RAB8B: variants seen among roughly 807,000 people sequenced by gnomAD.
The protein encoded by RAB8B is RAB8B, member RAS oncogene family.
In RAB8B, 11 loss-of-function variants were observed where a neutral mutation model predicts 32.0. That is an observed-to-expected ratio of 0.34 (90% CI 0.22 to 0.57). The LOEUF (loss-of-function observed/expected upper bound fraction) is 0.57. Among genes scored for constraint, RAB8B ranks in the 20% least tolerant of loss-of-function variants. The pLI is 0.86. For synonymous variants in RAB8B, 103 were observed against 89.6 expected (o/e 1.15, Z -0.85); for missense variants, 190 against 258.5 (o/e 0.73, Z 1.82).
intron 2 of RAB8B, among the ~76,000 whole-genome samples, chr15:63,247,353 T>C (rs181643578): frequency 5.3e-5 from 8 of 152,350 alleles, no homozygotes; most frequent in Admixed American, 5.2e-4. Flanking sequence ...CCAACTCTGA[T>C]GTTGCAATAT....
chr15:63,219,726 T>C (rs1453260441), intron 1 of RAB8B, among the ~76,000 whole-genome samples: 1 of 152,238 alleles, frequency 6.6e-6, no homozygotes, highest in Non-Finnish European at 1.5e-5. Context: ...AAACCAATTC[T>C]ATGGAGGCTG....
At position 63,250,630 on chromosome 15, in the gene RAB8B, G is replaced by T. The variant is rs571480288; in HGVS notation, c.246+925G>T. Among the ~76,000 whole-genome samples, 16 of 152,158 alleles carry T rather than the reference G, an allele frequency of 1.1e-4. 2 individuals are homozygous for T. Among genetic ancestry groups the T allele is most frequent in the African/African-American group, 3.9e-4 (16 of 41,486 alleles). ...TGGGCAGTGTGATGCTGGGAGTGCA[G>T]TGGTGAGTAAGGCAGCTTGGAAGCT... On this transcript the variant is annotated intron_variant, in intron 3 of 7. Transcript: ENST00000321437.
At chr15:63,258,331 G>A (rs2038175302) in intron 5 of RAB8B, among the ~76,000 whole-genome samples, 1 of 152,020 alleles carries the variant, frequency 6.6e-6, no homozygotes, top group South Asian at 2.1e-4. Flanking sequence ...CTTAACTCCT[G>A]ACCTCAGGTG....
intron 1 of RAB8B, among the ~76,000 whole-genome samples, chr15:63,226,244 A>G (rs1260673192): frequency 1.3e-5 from 2 of 152,152 alleles, no homozygotes; most frequent in Non-Finnish European, 2.9e-5. Flanking sequence ...TATTGTATCT[A>G]TCATGTGTGG....
rs1026509043 is a variant in RAB8B at position 63,267,527 on chromosome 15, C to G, written c.*3908C>G. ...ATGAAAATCATGCCCCTAATGGAAA[C>G]TCTCTAGTTTTTCCATATAACTATC... On this transcript the variant is annotated 3_prime_UTR_variant, in exon 8 of 8. Coordinates refer to ENST00000321437, the MANE Select transcript of RAB8B (RefSeq NM_016530.3). The G allele has an allele frequency of 5.3e-5, 8 of 152,138 alleles. No individual in the cohort carries two copies. Among genetic ancestry groups the G allele is most frequent in the African/African-American group, 1.7e-4 (7 of 41,420 alleles). 9.4% of individuals were successfully genotyped at this position (152,138 alleles called of 1,614,324 possible).
chr15:63,259,846 T>G lies in RAB8B; in HGVS notation c.480+154T>G, dbSNP rs1039421510. On this transcript the variant is annotated intron_variant, in intron 6 of 7. Coordinates refer to ENST00000321437, the MANE Select transcript of RAB8B (RefSeq NM_016530.3). This position sits in a 1 kb window ranked among gnomAD's most constrained non-coding sequence, Gnocchi z 4.4. ...GTACACTTTTGTGCTTCTGATTTTTTTTTTTTTGAGATGGAGTCTCACTCT... is the reference window on the plus strand; with the variant it reads ...GTACACTTTTGTGCTTCTGATTTTTGTTTTTTTGAGATGGAGTCTCACTCT... 6.6e-6 allele frequency among the ~76,000 whole-genome samples: 1 copy of G among 152,116 alleles called. No individual in the cohort carries two copies. The highest frequency in any genetic ancestry group is 1.5e-5 in the Non-Finnish European group (1 of 67,994).
At chr15:63,239,315 T>G (rs1330352423) in intron 1 of RAB8B, among the ~76,000 whole-genome samples, 2 of 152,148 alleles carry the variant, frequency 1.3e-5, no homozygotes, top group African/African-American at 4.8e-5. Context: ...GATATTATTG[T>G]CAAGCTAATT....
At chr15:63,214,056 G>C (rs1411581569) in intron 1 of RAB8B, among the ~76,000 whole-genome samples, 3 of 151,676 alleles carry the variant, frequency 2.0e-5, no homozygotes, top group Admixed American at 6.6e-5. Context: ...ACTCCAGCCT[G>C]GGTGACAGAG....
rs1439585708 is a variant in RAB8B, at chr15:63,265,478, C to T, written c.*1859C>T. 1 of 151,592 alleles carries T rather than the reference C, an allele frequency of 6.6e-6. No individual in the cohort carries two copies. Among genetic ancestry groups the T allele is most frequent in the Non-Finnish European group, 1.5e-5 (1 of 67,906 alleles). The allele number at this position is 151,592 out of a possible 1,614,324, so 9.4% of individuals were successfully genotyped here. A position where few individuals can be genotyped will look rare whatever the true frequency, so the allele number is the denominator to read the frequency against. ...TGAAAGTTTATTGTAATTCTACTAT[C>T]TTCAAATTAGATACATTTTCAAAAG... is the stretch of plus-strand genomic sequence containing the variant. On this transcript the variant is annotated 3_prime_UTR_variant, in exon 8 of 8. Transcript: ENST00000321437. The surrounding 1 kb of genome is among the most constrained non-coding windows in gnomAD (Gnocchi z 4.9).
intron 1 of RAB8B, among the ~76,000 whole-genome samples, chr15:63,194,303 C>T (rs554699735): frequency 2.0e-5 from 3 of 152,356 alleles, no homozygotes; most frequent in African/African-American, 7.2e-5. Context: ...CTTTTCACAA[C>T]TGAGTTGCTA....
intron 1 of RAB8B, among the ~76,000 whole-genome samples, chr15:63,208,207 G>C (rs530483847): frequency 6.6e-6 from 1 of 152,176 alleles, no homozygotes; most frequent in South Asian, 2.1e-4. Context: ...TTTTTTACAG[G>C]AATCCTAAAC....
intron 1 of RAB8B, among the ~76,000 whole-genome samples, chr15:63,202,905 A>G (rs969360495): frequency 1.3e-5 from 2 of 152,280 alleles, no homozygotes; most frequent in African/African-American, 4.8e-5. Flanking sequence ...TCAGCTTTTT[A>G]TATAACGAAG....
Position 63,204,897 on chromosome 15 carries a change from C to T in RAB8B, c.124+15149C>T, listed in dbSNP as rs1418874630. ...TGAGGGCTGGGTGCAGTGGCACATG[C>T]CTATAATCCAAGCACTTTGGGAGGC... On this transcript the variant is annotated intron_variant, in intron 1 of 7. Transcript: ENST00000321437. Among the ~76,000 whole-genome samples, 6 of 152,296 alleles carry T rather than the reference C, an allele frequency of 3.9e-5. No homozygotes were observed. The East Asian group carries it at 1.2e-3, about 29-fold the overall frequency.
At position 63,229,780 on chromosome 15, in the gene RAB8B, C is replaced by CAAAAAAAAAAAAAAAAAAAAAAAAAAA. The variant is rs56015501; in HGVS notation, c.125-14972_125-14946dup. On this transcript the variant is annotated intron_variant, in intron 1 of 7. Coordinates refer to ENST00000321437, the MANE Select transcript of RAB8B (RefSeq NM_016530.3). The stretch of plus-strand genomic sequence containing the variant: ...TAGGTGACAGAGCAAGACGCTGTTT[C>CAAAAAAAAAAAAAAAAAAAAAAAAAAA]AAAAAAAAAAAAAAAAAAAAAAAAA... 2.2e-4 allele frequency among the ~76,000 whole-genome samples: 8 copies of CAAAAAAAAAAAAAAAAAAAAAAAAAAA among 35,972 alleles called. 4 individuals are homozygous for CAAAAAAAAAAAAAAAAAAAAAAAAAAA. The highest frequency in any genetic ancestry group is 6.5e-4 in the Admixed American group (2 of 3,072). The allele number at this position is 35,972 out of a possible 152,430, so 23.6% of individuals were successfully genotyped here. A position where few individuals can be genotyped will look rare whatever the true frequency, so the allele number is the denominator to read the frequency against.
chr15:63,207,086 G>A lies in RAB8B; in HGVS notation c.124+17338G>A, dbSNP rs182072935. Reference sequence around the variant, plus strand: ...GGTAGTCTCATTTTGCCTTTTAATGGAAGTCACTTCCAAGTGTCTGTTCTC... The same window carrying A: ...GGTAGTCTCATTTTGCCTTTTAATGAAAGTCACTTCCAAGTGTCTGTTCTC... On this transcript the variant is annotated intron_variant, in intron 1 of 7. Transcript: ENST00000321437. Among the ~76,000 whole-genome samples the A allele has an allele frequency of 3.9e-3, 590 of 152,238 alleles. 3 individuals carry two copies. The highest frequency in any genetic ancestry group is 5.6e-3 in the Non-Finnish European group (379 of 68,004).
At chr15:63,228,608 A>C (rs2037908541) in intron 1 of RAB8B, among the ~76,000 whole-genome samples, 1 of 152,238 alleles carries the variant, frequency 6.6e-6, no homozygotes, top group Admixed American at 6.5e-5. Context: ...CTGGAACTGC[A>C]GTATTAGAGA....
intron 1 of RAB8B, among the ~76,000 whole-genome samples, chr15:63,208,220 T>G (rs2037715363): frequency 6.6e-6 from 1 of 152,186 alleles, no homozygotes; most frequent in African/African-American, 2.4e-5. Flanking sequence ...TCCTAAACTC[T>G]AACCCAGGGA....
chr15:63,213,389 GT>G (rs1189226364), intron 1 of RAB8B, among the ~76,000 whole-genome samples: 1 of 152,136 alleles, frequency 6.6e-6, no homozygotes, highest in Non-Finnish European at 1.5e-5. Flanking sequence ...GTAAATCATG[GT>G]TTTCTGTATA....
chr15:63,206,276 A>T (rs1345311497), intron 1 of RAB8B, among the ~76,000 whole-genome samples: 1 of 152,144 alleles, frequency 6.6e-6, no homozygotes. Context: ...TATGCCGCAC[A>T]TAAATATGTA....
Sources: gnomAD v4.1 joint callset for allele counts (sites outside exome capture counted in the v4.1 genomes callset) on GRCh38, gnomAD v4.1.1 for gene constraint, Gnocchi (gnomAD v3.1) non-coding constraint, MANE v1.5 for transcripts, NCBI Gene and HGNC (gene_info 2026-07-23, HGNC 2026-07-21) for gene names.